Variants in ADAM18 observed in about 807,000 individuals in gnomAD.
ADAM18 encodes the protein ADAM metallopeptidase domain 18.
Under a neutral mutation model 94.4 loss-of-function variants are expected in ADAM18, and 117 were observed. That is an observed-to-expected ratio of 1.24 (90% CI 1.07 to 1.45). The LOEUF is 1.45. ADAM18 is among the 40% of genes most tolerant of loss of function. ADAM18 has a pLI of 0.00. For missense variants in ADAM18, 936 were observed against 880.0 expected, an observed-to-expected ratio of 1.06 and a Z score of -0.81; for synonymous variants, 327 against 291.6, an observed-to-expected ratio of 1.12 and a Z score of -1.24.
chr8:39,717,067 A>G (rs1342840977), intron 18 of ADAM18, among the ~76,000 whole-genome samples: 1 of 151,668 alleles, frequency 6.6e-6, no homozygotes, highest in Non-Finnish European at 1.5e-5. Flanking sequence ...AATATCTTGT[A>G]TTTATTTGCT....
rs147230372 is a variant in ADAM18, at chr8:39,610,632, G to A, written c.448G>A (p.Val150Ile). ...IYQMKNNDPN[V>I]SILAVNYSHI... The stretch of plus-strand genomic sequence containing the variant: ...TCAAATGAAAAATAATGATCCAAAT[G>A]TATCCATTTTAGCAGTAAATTACAG... The change falls in exon 6 of 20, where the codon GTA (valine) becomes ATA (isoleucine). Residue 150 changes from valine to isoleucine, a missense_variant. Coordinates refer to ENST00000265707, the MANE Select transcript of ADAM18 (RefSeq NM_014237.3). 2.0e-5 allele frequency: 32 copies of A among 1,612,970 alleles called. No homozygotes were observed. Among genetic ancestry groups the A allele is most frequent in the Admixed American group, 1.0e-4 (6 of 59,954 alleles).
At chr8:39,721,769 T>C (rs1822756009) in intron 18 of ADAM18, among the ~76,000 whole-genome samples, 1 of 151,512 alleles carries the variant, frequency 6.6e-6, no homozygotes, top group African/African-American at 2.4e-5. Flanking sequence ...TAGGTGAAGA[T>C]GTGGAGAAAA....
intron 14 of ADAM18, among the ~76,000 whole-genome samples, chr8:39,675,459 G>A (rs1821274317): frequency 6.6e-6 from 1 of 152,138 alleles, no homozygotes; most frequent in African/African-American, 2.4e-5. Flanking sequence ...TCGTGCCATG[G>A]TTTTCAGCTC....
chr8:39,593,089 A>T (rs1462616734), intron 2 of ADAM18, among the ~76,000 whole-genome samples: 1 of 152,166 alleles, frequency 6.6e-6, no homozygotes, highest in Non-Finnish European at 1.5e-5. Flanking sequence ...AACCTCTGTT[A>T]GCTTCACTCT....
At chr8:39,630,252 A>G (rs923499859) in intron 7 of ADAM18, among the ~76,000 whole-genome samples, 2 of 151,814 alleles carry the variant, frequency 1.3e-5, no homozygotes, top group Non-Finnish European at 1.5e-5. Flanking sequence ...TATATTTACT[A>G]AATGCAAAAC....
At chr8:39,658,042 G>C (rs1470696027) in intron 12 of ADAM18, among the ~76,000 whole-genome samples, 1 of 152,096 alleles carries the variant, frequency 6.6e-6, no homozygotes, top group Non-Finnish European at 1.5e-5. Context: ...AAAACACATA[G>C]GGAATTGTTT....
At chr8:39,671,400 G>C (rs184262750) in intron 14 of ADAM18, among the ~76,000 whole-genome samples, 1 of 152,124 alleles carries the variant, frequency 6.6e-6, no homozygotes, top group Non-Finnish European at 1.5e-5. Flanking sequence ...TATAACAAAA[G>C]GGCATGCATT....
At chr8:39,687,248 G>A (rs768576076) in intron 16 of ADAM18, among the ~76,000 whole-genome samples, 12 of 152,158 alleles carry the variant, frequency 7.9e-5, no homozygotes, top group African/African-American at 1.2e-4. Flanking sequence ...AAATTTAGAC[G>A]CATACTTAAA....
chr8:39,639,715 T>A (rs1820182306), intron 10 of ADAM18, among the ~76,000 whole-genome samples: 1 of 152,078 alleles, frequency 6.6e-6, no homozygotes, highest in Non-Finnish European at 1.5e-5. Context: ...ATTTAATAAT[T>A]GCATTATATT....
At chr8:39,612,621 GT>G (rs1180576131) in intron 6 of ADAM18, among the ~76,000 whole-genome samples, 1 of 152,134 alleles carries the variant, frequency 6.6e-6, no homozygotes, top group Non-Finnish European at 1.5e-5. Context: ...GGTGGCTTTG[GT>G]TTTTGTTGAT....
intron 18 of ADAM18, among the ~76,000 whole-genome samples, chr8:39,709,818 A>G (rs1392452207): frequency 1.3e-5 from 2 of 152,222 alleles, no homozygotes; most frequent in Non-Finnish European, 2.9e-5. Flanking sequence ...GCTACATAAT[A>G]TCAATTTTTG....
chr8:39,608,420 A>G (rs1420932134), intron 3 of ADAM18, among the ~76,000 whole-genome samples: 3 of 151,702 alleles, frequency 2.0e-5, no homozygotes, highest in Non-Finnish European at 4.4e-5. Context: ...GTCTCTTACT[A>G]TAGTCTGTCT....
chr8:39,709,333 A>G (rs1036015676), intron 18 of ADAM18, among the ~76,000 whole-genome samples: 3 of 152,190 alleles, frequency 2.0e-5, no homozygotes, highest in Non-Finnish European at 4.4e-5. Flanking sequence ...ATGTCAAGCC[A>G]TAGTCCCTGA....
At chr8:39,613,727 A>C (rs1157818337) in intron 6 of ADAM18, among the ~76,000 whole-genome samples, 1 of 152,194 alleles carries the variant, frequency 6.6e-6, no homozygotes, top group Non-Finnish European at 1.5e-5. Context: ...GAATCTAAAG[A>C]ATCCAATTAA....
chr8:39,699,668 C>T (rs1822011234), intron 17 of ADAM18, among the ~76,000 whole-genome samples: 1 of 152,094 alleles, frequency 6.6e-6, no homozygotes, highest in Admixed American at 6.6e-5. Flanking sequence ...AACTGGACCA[C>T]ATTTATACTG....
chr8:39,701,411 C>G (rs1307962304), intron 17 of ADAM18, among the ~76,000 whole-genome samples: 2 of 151,616 alleles, frequency 1.3e-5, no homozygotes, highest in Non-Finnish European at 2.9e-5. Context: ...ACATTATATG[C>G]TCTTTATTTC....
intron 17 of ADAM18, among the ~76,000 whole-genome samples, chr8:39,694,082 T>C (rs1166599189): frequency 6.6e-6 from 1 of 151,274 alleles, no homozygotes; most frequent in African/African-American, 2.4e-5. Flanking sequence ...AATCTAAGCA[T>C]CAGTATAAAG....
chr8:39,675,590 G>T (rs1821278299), intron 14 of ADAM18, among the ~76,000 whole-genome samples: 1 of 152,272 alleles, frequency 6.6e-6, no homozygotes, highest in African/African-American at 2.4e-5. Flanking sequence ...GCTCGGAGAA[G>T]TTTGTTATTA....
At chr8:39,639,810 A>G (rs763059573) in intron 10 of ADAM18, among the ~76,000 whole-genome samples, 2 of 152,034 alleles carry the variant, frequency 1.3e-5, no homozygotes, top group South Asian at 2.1e-4. Flanking sequence ...TCTTGGAGAC[A>G]TTCTGGAGAA....
Sources: gnomAD v4.1 joint callset for allele counts (sites outside exome capture counted in the v4.1 genomes callset) on GRCh38, gnomAD v4.1.1 for gene constraint, MANE v1.5 for transcripts, NCBI Gene and HGNC (gene_info 2026-07-23, HGNC 2026-07-21) for gene names.